The following CEP112 variants were observed in gnomAD, a reference collection of about 807,000 sequenced individuals.
CEP112 encodes centrosomal protein 112.
Under a neutral mutation model 153.0 loss-of-function variants are expected in CEP112, and 127 were observed. The ratio of observed to expected loss-of-function variants is 0.83; its 90% confidence interval spans 0.72 to 0.96. The LOEUF is 0.96. Ranked by LOEUF, CEP112 falls within the 40% of genes least tolerant of loss-of-function variation. The pLI, the probability that CEP112 is intolerant of heterozygous loss-of-function variation, is 0.00. For synonymous variants in CEP112, 358 were observed against 374.4 expected (o/e 0.96, Z 0.51); for missense variants, 1,089 against 1,101.2 (o/e 0.99, Z 0.16).
At chr17:66,179,772 T>A (rs1478413680) in intron 2 of CEP112, among the ~76,000 whole-genome samples, 2 of 152,152 alleles carry the variant, frequency 1.3e-5, no homozygotes, top group African/African-American at 4.8e-5. Flanking sequence ...TTCCAGATCT[T>A]AAAGGAAAGG....
At chr17:65,839,042 T>C (rs1186020056) in intron 21 of CEP112, among the ~76,000 whole-genome samples, 2 of 152,108 alleles carry the variant, frequency 1.3e-5, no homozygotes, top group African/African-American at 2.4e-5. Context: ...ACCCAGAACC[T>C]GAGGGCTTCA....
chr17:66,081,196 T>C (rs1251774994), intron 8 of CEP112, among the ~76,000 whole-genome samples: 1 of 151,946 alleles, frequency 6.6e-6, no homozygotes, highest in East Asian at 1.9e-4. Context: ...AAAATAAAAA[T>C]AAATAAAAAG....
intron 24 of CEP112, among the ~76,000 whole-genome samples, chr17:65,646,424 G>A (rs8074751): frequency 0.7 from 106,089 of 152,102 alleles, 38,532 homozygotes; most frequent in East Asian, 0.95. Flanking sequence ...AAATCATTAT[G>A]TAAAGCTGAA....
At chr17:66,091,756 T>C (rs909740265) in intron 8 of CEP112, among the ~76,000 whole-genome samples, 4 of 151,672 alleles carry the variant, frequency 2.6e-5, no homozygotes, top group African/African-American at 9.7e-5. Context: ...GTTAGTTATT[T>C]GAAAAGATAA....
chr17:65,807,750 G>A (rs1448021191), intron 21 of CEP112, among the ~76,000 whole-genome samples: 1 of 152,210 alleles, frequency 6.6e-6, no homozygotes, highest in African/African-American at 2.4e-5. Context: ...AAAAGTTTGG[G>A]AGCCTCCACC....
intron 11 of CEP112, among the ~76,000 whole-genome samples, chr17:66,055,359 C>T (rs2066637135): frequency 6.6e-6 from 1 of 152,086 alleles, no homozygotes; most frequent in African/African-American, 2.4e-5. Context: ...AAGTGGTCCC[C>T]GAAATCCCTG....
At chr17:65,723,069 G>A (rs956248829) in intron 23 of CEP112, among the ~76,000 whole-genome samples, 2 of 152,174 alleles carry the variant, frequency 1.3e-5, no homozygotes, top group African/African-American at 2.4e-5. Flanking sequence ...AGTGTGTTCC[G>A]AAGAATACAT....
intron 21 of CEP112, among the ~76,000 whole-genome samples, chr17:65,810,351 T>C (rs1029300983): frequency 1.9e-4 from 29 of 151,996 alleles, no homozygotes; most frequent in Admixed American, 1.9e-3. Context: ...TTTTGTCTAG[T>C]TCTGGCTAAT....
At chr17:65,900,796 C>T (rs2143511233) in intron 20 of CEP112, among the ~76,000 whole-genome samples, 1 of 152,220 alleles carries the variant, frequency 6.6e-6, no homozygotes. Flanking sequence ...TTCATAAAGG[C>T]TCTAATGAGG....
chr17:65,644,221 G>C, intron 24 of CEP112: 1 of 660,382 alleles, frequency 1.5e-6, no homozygotes, highest in East Asian at 2.6e-5. Flanking sequence ...CCATAGCTGG[G>C]GGAACTGGGG....
At position 66,103,083 on chromosome 17, in the gene CEP112, G is replaced by A. The variant is rs190212673; in HGVS notation, c.643-6451C>T. On this transcript the variant is annotated intron_variant, in intron 6 of 26. Coordinates refer to ENST00000535342, the MANE Select transcript of CEP112 (RefSeq NM_001199165.4). ...TCCTAAAAATACAAAAAATTAGCCA[G>A]GCATGGTGGCGTACGCCTGTAATCC... 2.2e-3 allele frequency among the ~76,000 whole-genome samples: 328 copies of A among 152,128 alleles called. 1 individual carries two copies. Among genetic ancestry groups the A allele is most frequent in the African/African-American group, 7.6e-3 (317 of 41,512 alleles).
chr17:66,096,768 G>T (rs867434463), intron 6 of CEP112, 136 bp from the exon 7 acceptor site: 51 of 628,112 alleles, frequency 8.1e-5, no homozygotes, highest in Middle Eastern at 4.3e-4. Flanking sequence ...TTTAGAATGG[G>T]TATTGTATGA....
intron 24 of CEP112, chr17:65,655,067 C>T (rs2045990468): frequency 1.5e-6 from 1 of 688,348 alleles, no homozygotes; most frequent in African/African-American, 1.8e-5. Context: ...AGAACCAAAA[C>T]CTATGATCAT....
At chr17:66,181,557 A>AT (rs1568588177) in intron 2 of CEP112, among the ~76,000 whole-genome samples, 1 of 151,962 alleles carries the variant, frequency 6.6e-6, no homozygotes, top group African/African-American at 2.4e-5. Context: ...GGCTTTCACC[A>AT]TGTTAGCCAG....
In CEP112 at chr17:65,937,814, C is replaced by T. The variant is rs1214806729; in HGVS notation, c.1873-10125G>A. On this transcript the variant is annotated intron_variant, in intron 18 of 26. Transcript: ENST00000535342. Reference sequence around the variant, plus strand: ...GGGTGGGGGGGGTCAGCCCCCCGCCCGGCCAGCCGCCCCGTCCGGGAGGTG... The same window carrying T: ...GGGTGGGGGGGGTCAGCCCCCCGCCTGGCCAGCCGCCCCGTCCGGGAGGTG... Among the ~76,000 whole-genome samples, 4 of 102,422 alleles carry T rather than the reference C, an allele frequency of 3.9e-5. 1 individual carries two copies. The highest frequency in any genetic ancestry group is 6.0e-5 in the Non-Finnish European group (3 of 49,606). The allele number at this position is 102,422 out of a possible 152,430, so 67.2% of individuals were successfully genotyped here.
chr17:66,104,951 A>T (rs1263027655), intron 6 of CEP112, among the ~76,000 whole-genome samples: 3 of 152,222 alleles, frequency 2.0e-5, no homozygotes, highest in African/African-American at 7.2e-5. Context: ...TATAAAGGTC[A>T]CTGGTTATAG....
intron 20 of CEP112, among the ~76,000 whole-genome samples, chr17:65,888,509 T>A (rs1341982162): frequency 6.6e-6 from 1 of 152,022 alleles, no homozygotes. Flanking sequence ...CTTTTTTTTT[T>A]ACCATATATC....
intron 11 of CEP112, among the ~76,000 whole-genome samples, chr17:66,059,842 C>T (rs185505047): frequency 2.7e-4 from 41 of 152,220 alleles, no homozygotes; most frequent in East Asian, 9.7e-4. Context: ...AAGGCACATG[C>T]GCTTGTATGT....
intron 16 of CEP112, among the ~76,000 whole-genome samples, chr17:66,020,891 A>G (rs1363078778): frequency 6.6e-6 from 1 of 152,166 alleles, no homozygotes; most frequent in Non-Finnish European, 1.5e-5. Context: ...ATTTTGTCCA[A>G]GAAGGAAATG....
Sources: gnomAD v4.1 joint callset for allele counts (sites outside exome capture counted in the v4.1 genomes callset) on GRCh38, gnomAD v4.1.1 for gene constraint, MANE v1.5 for transcripts, NCBI Gene and HGNC (gene_info 2026-07-23, HGNC 2026-07-21) for gene names.